PLAAT1: variants seen among roughly 807,000 people sequenced by gnomAD.
PLAAT1 encodes the protein phospholipase A and acyltransferase 1.
PLAAT1 carries 13 observed loss-of-function variants against 16.4 expected under a neutral mutation model. The ratio of observed to expected loss-of-function variants is 0.79; its 90% CI spans 0.52 to 1.26. PLAAT1 has a LOEUF of 1.26. Among genes scored for constraint, PLAAT1 ranks in the 50% most tolerant of loss-of-function variants. The pLI, the probability that PLAAT1 is intolerant of heterozygous loss-of-function variation, is 0.00. For missense variants in PLAAT1, 218 were observed against 207.8 expected, an observed-to-expected ratio of 1.05 and a Z score of -0.30; for synonymous variants, 73 against 78.4, an observed-to-expected ratio of 0.93 and a Z score of 0.36.
chr3:193,255,972 A>G (rs765504195), intron 2 of PLAAT1, among the ~76,000 whole-genome samples, 183 bp downstream of exon 2: 12 of 152,214 alleles, frequency 7.9e-5, no homozygotes, highest in Non-Finnish European at 1.6e-4. Context: ...GAAATCACAA[A>G]GGCCAATTCA....
chr3:193,267,738 T>C (rs957259695), intron 3 of PLAAT1, among the ~76,000 whole-genome samples: 15 of 152,216 alleles, frequency 9.9e-5, no homozygotes, highest in African/African-American at 3.4e-4. Context: ...AGGAGCATGA[T>C]TGCTAGATCA....
At chr3:193,245,162 A>C (rs1258724846) in intron 1 of PLAAT1, among the ~76,000 whole-genome samples, 1 of 152,180 alleles carries the variant, frequency 6.6e-6, no homozygotes, top group Non-Finnish European at 1.5e-5. Flanking sequence ...TCTAACTGAA[A>C]CTTTTTACCC....
At chr3:193,243,868 C>T (rs1715873108) in intron 1 of PLAAT1, among the ~76,000 whole-genome samples, 1 of 152,220 alleles carries the variant, frequency 6.6e-6, no homozygotes. Context: ...CTCCCACTGC[C>T]TCCTCCACTT....
downstream of PLAAT1, among the ~76,000 whole-genome samples, chr3:193,271,268 A>G (rs889376958): frequency 6.6e-6 from 1 of 152,126 alleles, no homozygotes; most frequent in African/African-American, 2.4e-5. Flanking sequence ...TGTTTGCTCC[A>G]GGGTTTCAGT....
downstream of PLAAT1, chr3:193,279,319 G>T: frequency 7.3e-7 from 1 of 1,375,094 alleles, no homozygotes; most frequent in Non-Finnish European, 1.0e-6. Flanking sequence ...TGAATACATG[G>T]TCCATGTACA....
At chr3:193,276,444 GTCTTT>G (rs1717205680) in intron 2 of PLAAT1, among the ~76,000 whole-genome samples, 1 of 152,188 alleles carries the variant, frequency 6.6e-6, no homozygotes, top group Non-Finnish European at 1.5e-5. Context: ...ACCTGGTCTA[GTCTTT>G]ACTAGATTGT....
intron 1 of PLAAT1, 30 bp downstream of exon 1, chr3:193,241,563 G>C (rs1385711479): frequency 1.6e-6 from 2 of 1,229,242 alleles, no homozygotes; most frequent in Non-Finnish European, 2.0e-6. Flanking sequence ...GGAGGACCTC[G>C]AGGCGCCCCG....
chr3:193,244,029 A>C (rs1001379065), intron 1 of PLAAT1, among the ~76,000 whole-genome samples: 7 of 152,206 alleles, frequency 4.6e-5, no homozygotes, highest in African/African-American at 1.4e-4. Flanking sequence ...CTAGAGGTAC[A>C]TTCAGGTTGT....
intron 3 of PLAAT1, 54 bp downstream of exon 3, chr3:193,263,289 A>C: frequency 6.5e-7 from 1 of 1,542,990 alleles, no homozygotes; most frequent in Non-Finnish European, 8.8e-7. Context: ...ACTATTGGCT[A>C]TGATAAGGTT....
At chr3:193,242,461 G>A (rs1265713285) in intron 1 of PLAAT1, among the ~76,000 whole-genome samples, 1 of 152,094 alleles carries the variant, frequency 6.6e-6, no homozygotes, top group Non-Finnish European at 1.5e-5. Context: ...TGGGGCACTT[G>A]GAAATGGGCA....
downstream of PLAAT1, chr3:193,275,230 A>G (rs199830865): frequency 4.3e-6 from 7 of 1,614,028 alleles, no homozygotes; most frequent in African/African-American, 8.0e-5. Flanking sequence ...CAAGTCCTAT[A>G]TTGACTTTTA....
intron 3 of PLAAT1, among the ~76,000 whole-genome samples, chr3:193,263,837 C>T (rs1397162939): frequency 1.3e-5 from 2 of 151,986 alleles, no homozygotes; most frequent in Non-Finnish European, 2.9e-5. Context: ...CAGTTACTAC[C>T]ATTGTTTTGT....
chr3:193,275,925 G>A (rs563783815), intron 2 of PLAAT1, among the ~76,000 whole-genome samples: 1 of 152,070 alleles, frequency 6.6e-6, no homozygotes, highest in African/African-American at 2.4e-5. Context: ...GATTAATAAT[G>A]ATTTTTAGTG....
chr3:193,275,180 T>G (rs188756416), downstream of PLAAT1: 219 of 1,614,234 alleles, frequency 1.4e-4, no homozygotes, highest in Non-Finnish European at 1.6e-4. Flanking sequence ...CTGTCCTGTT[T>G]ATGGGAGGCC....
intron 3 of PLAAT1, among the ~76,000 whole-genome samples, chr3:193,265,030 A>G (rs993713031): frequency 1.3e-5 from 2 of 152,212 alleles, no homozygotes; most frequent in Non-Finnish European, 2.9e-5. Flanking sequence ...AAGTGAAGAA[A>G]TTGGAACTCT....
intron 2 of PLAAT1, among the ~76,000 whole-genome samples, chr3:193,262,707 C>T (rs569719832): frequency 5.1e-4 from 78 of 152,244 alleles, no homozygotes; most frequent in Non-Finnish European, 9.1e-4. Context: ...GGATGAGTAG[C>T]GTATTCTCAT....
downstream of PLAAT1, chr3:193,270,972 C>A: frequency 4.3e-6 from 2 of 467,556 alleles, no homozygotes; most frequent in Non-Finnish European, 6.0e-6. Flanking sequence ...AATCTCATCA[C>A]ATTTTATTTC....
chr3:193,267,634 C>T (rs982970124), intron 3 of PLAAT1, among the ~76,000 whole-genome samples: 4 of 152,144 alleles, frequency 2.6e-5, no homozygotes, highest in African/African-American at 7.2e-5. Context: ...TTGGTTGCTT[C>T]GAAGTTTTGG....
intron 2 of PLAAT1, among the ~76,000 whole-genome samples, chr3:193,262,252 G>A (rs1027057972): frequency 1.3e-5 from 2 of 152,096 alleles, no homozygotes; most frequent in East Asian, 1.9e-4. Context: ...AGGGCATGGG[G>A]CATTGTCGTA....
Sources: allele counts gnomAD v4.1 joint callset (sites outside exome capture counted in the v4.1 genomes callset), GRCh38; gene constraint gnomAD v4.1.1; transcripts MANE v1.5; gene names NCBI Gene and HGNC (gene_info 2026-07-23, HGNC 2026-07-21).